ZNF804B: variants seen among roughly 807,000 people sequenced by gnomAD.
ZNF804B encodes the protein zinc finger 804B.
ZNF804B carries 80 observed loss-of-function variants against 101.4 expected under a neutral mutation model. The ratio of observed to expected loss-of-function variants is 0.79; its 90% CI spans 0.66 to 0.95. The LOEUF is 0.95. Ranked by LOEUF, ZNF804B falls within the 40% of genes least tolerant of loss-of-function variation. The pLI is 0.00. For missense variants in ZNF804B, 1,673 were observed against 1,561.9 expected (o/e 1.07, Z -1.20); for synonymous variants, 622 against 558.8 (o/e 1.11, Z -1.59).
At chr7:89,214,764 A>G (rs564756005) in intron 1 of ZNF804B, among the ~76,000 whole-genome samples, 32 of 152,340 alleles carry the variant, frequency 2.1e-4, no homozygotes, top group African/African-American at 7.7e-4. Flanking sequence ...ATTAAACTGT[A>G]AACTAATGAG....
At chr7:89,286,339 T>C (rs1250027229) in intron 2 of ZNF804B, among the ~76,000 whole-genome samples, 1 of 151,980 alleles carries the variant, frequency 6.6e-6, no homozygotes, top group African/African-American at 2.4e-5. Flanking sequence ...AAGATAAACC[T>C]GAAAGTGAGA....
intron 1 of ZNF804B, among the ~76,000 whole-genome samples, chr7:88,827,723 C>T (rs886575903): frequency 3.3e-5 from 5 of 152,060 alleles, no homozygotes; most frequent in African/African-American, 9.7e-5. Context: ...CACATAAAGG[C>T]GTTCTCTGTG....
intron 1 of ZNF804B, among the ~76,000 whole-genome samples, chr7:89,118,428 C>T (rs1057247617): frequency 2.0e-5 from 3 of 152,064 alleles, no homozygotes; most frequent in African/African-American, 7.2e-5. Flanking sequence ...ATTTTGAATA[C>T]CAACACCTCT....
At chr7:88,983,333 T>C (rs1793717985) in intron 1 of ZNF804B, among the ~76,000 whole-genome samples, 1 of 152,120 alleles carries the variant, frequency 6.6e-6, no homozygotes, top group Admixed American at 6.6e-5. Context: ...GACATCATAA[T>C]CATCTGGACA....
chr7:89,124,550 C>T (rs1673996014), intron 1 of ZNF804B, among the ~76,000 whole-genome samples: 2 of 152,102 alleles, frequency 1.3e-5, no homozygotes, highest in Admixed American at 1.3e-4. Flanking sequence ...ATAACAACCC[C>T]ATGAAATCAG....
At chr7:88,854,414 C>CTTCCTTTCTTTCTTTCTTTCTTT (rs1791502231) in intron 1 of ZNF804B, among the ~76,000 whole-genome samples, 2 of 57,114 alleles carry the variant, frequency 3.5e-5, no homozygotes, top group South Asian at 1.5e-3. Context: ...TTTCTTTCTT[C>CTTCCTTTCTTTCTTTCTTTCTTT]CTTTCTTTCT....
intron 1 of ZNF804B, among the ~76,000 whole-genome samples, chr7:88,938,646 T>C (rs1466662369): frequency 6.6e-6 from 1 of 151,998 alleles, no homozygotes; most frequent in East Asian, 1.9e-4. Flanking sequence ...TCCTCAGGTA[T>C]ATACTGGCTT....
At chr7:88,779,171 A>G (rs1431120688) in intron 1 of ZNF804B, among the ~76,000 whole-genome samples, 1 of 152,184 alleles carries the variant, frequency 6.6e-6, no homozygotes, top group Non-Finnish European at 1.5e-5. Flanking sequence ...GCTCATCTCC[A>G]TCAATTGTTG....
chr7:88,828,214 A>G (rs1791076100), intron 1 of ZNF804B, among the ~76,000 whole-genome samples: 1 of 152,164 alleles, frequency 6.6e-6, no homozygotes, highest in African/African-American at 2.4e-5. Flanking sequence ...ATTAATATGC[A>G]ATAAATGCAA....
chr7:89,142,077 A>AT (rs1457117019), intron 1 of ZNF804B, among the ~76,000 whole-genome samples: 6 of 151,536 alleles, frequency 4.0e-5, no homozygotes, highest in East Asian at 1.9e-4. Flanking sequence ...GCCTTTAAAG[A>AT]TTTTTTTAAG....
intron 1 of ZNF804B, among the ~76,000 whole-genome samples, chr7:88,801,011 CCTGA>C (rs1308008743): frequency 3.6e-5 from 5 of 138,676 alleles, no homozygotes; most frequent in South Asian, 4.5e-4. Flanking sequence ...TGATTCAAAC[CCTGA>C]CTGTCTATTA....
rs147093111 is a variant in ZNF804B at position 89,062,768 on chromosome 7, C to T, written c.109-155387C>T. Among the ~76,000 whole-genome samples, 481 of 152,088 alleles carry T rather than the reference C, an allele frequency of 3.2e-3. 2 individuals carry two copies. Among genetic ancestry groups the T allele is most frequent in the Non-Finnish European group, 5.2e-3 (355 of 67,984 alleles). Reference sequence around the variant, plus strand: ...CTTTTATTTTCCAGATTCATTGAGGCGAGTATAATCAATTCAAAGTGACAG... The same window carrying T: ...CTTTTATTTTCCAGATTCATTGAGGTGAGTATAATCAATTCAAAGTGACAG... On this transcript the variant is annotated intron_variant, in intron 1 of 3. Transcript: ENST00000333190.
At chr7:89,244,908 C>G (rs1432446016) in intron 2 of ZNF804B, among the ~76,000 whole-genome samples, 7 of 152,124 alleles carry the variant, frequency 4.6e-5, no homozygotes, top group Non-Finnish European at 5.9e-5. Flanking sequence ...TGAACAATCT[C>G]AAATTTACTT....
rs1289610631 is a variant in ZNF804B at position 89,227,101 on chromosome 7, A to C, written c.249+8806A>C. On this transcript the variant is annotated intron_variant, in intron 2 of 3. Coordinates refer to ENST00000333190, the MANE Select transcript of ZNF804B (RefSeq NM_181646.5). ...TGCTTTTGCTTCTATCCTGGATTAC[A>C]CTTCTTGTTTCCTTGATCCCATGGC... Among the ~76,000 whole-genome samples, 3 of 152,122 alleles carry C rather than the reference A, an allele frequency of 2.0e-5. No homozygotes were observed. In the East Asian group the frequency reaches 5.8e-4, roughly 29 times the overall value.
At chr7:89,326,532 T>A (rs1404935508) in intron 2 of ZNF804B, among the ~76,000 whole-genome samples, 4 of 152,082 alleles carry the variant, frequency 2.6e-5, no homozygotes, top group Non-Finnish European at 5.9e-5. Context: ...TCACTTTGTA[T>A]GAGTTAAGAG....
chr7:89,137,008 G>T (rs1790647345), intron 1 of ZNF804B, among the ~76,000 whole-genome samples: 1 of 151,692 alleles, frequency 6.6e-6, no homozygotes, highest in Non-Finnish European at 1.5e-5. Context: ...GCCCTTCCTT[G>T]CCTTCTACCA....
chr7:89,209,052 A>G (rs893916044), intron 1 of ZNF804B, among the ~76,000 whole-genome samples: 6 of 152,056 alleles, frequency 3.9e-5, no homozygotes, highest in Non-Finnish European at 8.8e-5. Context: ...TCCCTGTTCA[A>G]TTGCAGTCAG....
chr7:89,052,723 G>A (rs1309381380), intron 1 of ZNF804B, among the ~76,000 whole-genome samples: 1 of 152,058 alleles, frequency 6.6e-6, no homozygotes, highest in Non-Finnish European at 1.5e-5. Context: ...TCCTATCCAA[G>A]CATTGCCTCA....
chr7:89,197,695 T>G (rs1788576531), intron 1 of ZNF804B, among the ~76,000 whole-genome samples: 1 of 151,890 alleles, frequency 6.6e-6, no homozygotes, highest in Non-Finnish European at 1.5e-5. Flanking sequence ...GAATTTATAT[T>G]TTTCTCTTAA....
Sources: gnomAD v4.1 joint callset for allele counts (sites outside exome capture counted in the v4.1 genomes callset) on GRCh38, gnomAD v4.1.1 for gene constraint, MANE v1.5 for transcripts, NCBI Gene and HGNC (gene_info 2026-07-23, HGNC 2026-07-21) for gene names.